TSPAN9: variants seen among roughly 807,000 people sequenced by gnomAD.
The protein encoded by TSPAN9 is tetraspanin 9.
In TSPAN9, 16 loss-of-function variants were observed where a neutral mutation model predicts 31.0. That is an observed-to-expected ratio of 0.52 (90% CI 0.35 to 0.78). The LOEUF is 0.78. Among genes scored for constraint, TSPAN9 ranks in the 30% least tolerant of loss-of-function variants. The pLI, the probability that TSPAN9 is intolerant of heterozygous loss-of-function variation, is 0.01. For synonymous variants in TSPAN9, 145 were observed against 121.6 expected (o/e 1.19, Z -1.27); for missense variants, 272 against 312.5 (o/e 0.87, Z 0.98).
chr12:3,104,080 C>T (rs1375284052), intron 2 of TSPAN9, among the ~76,000 whole-genome samples: 3 of 152,026 alleles, frequency 2.0e-5, no homozygotes, highest in Non-Finnish European at 2.9e-5. Flanking sequence ...GGGGTGGTGC[C>T]TCCTGGGGCA....
intron 3 of TSPAN9, among the ~76,000 whole-genome samples, chr12:3,223,069 C>G (rs2098385390): frequency 6.6e-6 from 1 of 152,210 alleles, no homozygotes; most frequent in Admixed American, 6.5e-5. Flanking sequence ...TATTAACTCC[C>G]CATTAGCATG....
chr12:3,277,306 T>G (rs1565643604), intron 3 of TSPAN9, among the ~76,000 whole-genome samples: 1 of 152,170 alleles, frequency 6.6e-6, no homozygotes, highest in Non-Finnish European at 1.5e-5. Flanking sequence ...CTGCCCCTAG[T>G]CCACCCACCC....
intron 2 of TSPAN9, among the ~76,000 whole-genome samples, chr12:3,129,350 G>A (rs1210363504): frequency 6.6e-6 from 1 of 152,186 alleles, no homozygotes; most frequent in African/African-American, 2.4e-5. Context: ...GTTTTCCGAG[G>A]TAGTTTTTCT....
At position 3,160,205 on chromosome 12, in the gene TSPAN9, T is replaced by C. The variant is rs578238594; in HGVS notation, c.-17-40972T>C. Among the ~76,000 whole-genome samples the C allele has an allele frequency of 4.6e-4, 70 of 152,248 alleles. 1 individual carries two copies. Among genetic ancestry groups the C allele is most frequent in the Non-Finnish European group, 9.0e-4 (61 of 68,042 alleles). ...TCATGTAATACGGGTTTTGATTTTTTTGTGATTGGCTTCTTAGCATACTTA... is the reference window on the plus strand; with the variant it reads ...TCATGTAATACGGGTTTTGATTTTTCTGTGATTGGCTTCTTAGCATACTTA... On this transcript the variant is annotated intron_variant, in intron 2 of 8. Coordinates refer to ENST00000011898, the MANE Select transcript of TSPAN9 (RefSeq NM_006675.5).
At chr12:3,198,066 A>G (rs2098368204) in intron 2 of TSPAN9, among the ~76,000 whole-genome samples, 1 of 77,292 alleles carries the variant, frequency 1.3e-5, no homozygotes, top group Admixed American at 1.5e-4. Context: ...AGCACAGGCC[A>G]CCACCAGCAC....
Position 3,283,331 on chromosome 12 carries a change from G to T in TSPAN9, c.*215G>T. On this transcript the variant is annotated 3_prime_UTR_variant, in exon 9 of 9. Coordinates refer to ENST00000011898, the MANE Select transcript of TSPAN9 (RefSeq NM_006675.5). ...CGGAGACCTGGGGCTCGGGGCCCCT[G>T]GATTCCTGCATCTGCATATGCGTAT... is the stretch of plus-strand genomic sequence containing the variant. The T allele has an allele frequency of 1.8e-6, 1 of 542,606 alleles. No homozygotes were observed. The highest frequency in any genetic ancestry group is 3.2e-6 in the Non-Finnish European group (1 of 310,000). 33.6% of individuals were successfully genotyped at this position (542,606 alleles called of 1,614,324 possible).
intron 2 of TSPAN9, among the ~76,000 whole-genome samples, chr12:3,105,846 TCACACACGTTCACA>T (rs371937957): frequency 0.038 from 5,644 of 149,202 alleles, 360 homozygotes; most frequent in African/African-American, 0.13. Flanking sequence ...ATACACACGC[TCACACACGTTCACA>T]CACACACGCT....
intron 3 of TSPAN9, among the ~76,000 whole-genome samples, chr12:3,208,466 C>G (rs1248575280): frequency 6.6e-6 from 1 of 152,212 alleles, no homozygotes; most frequent in African/African-American, 2.4e-5. Flanking sequence ...TTCTGCCTCC[C>G]TTTGTCCTAG....
intron 3 of TSPAN9, among the ~76,000 whole-genome samples, chr12:3,242,267 GC>G (rs2098396951): frequency 6.6e-6 from 1 of 152,220 alleles, no homozygotes; most frequent in African/African-American, 2.4e-5. Flanking sequence ...GGGCAAGGAG[GC>G]CCTTGCCAGC....
intron 2 of TSPAN9, among the ~76,000 whole-genome samples, chr12:3,131,415 G>A (rs2098329795): frequency 6.6e-6 from 1 of 152,202 alleles, no homozygotes; most frequent in South Asian, 2.1e-4. Context: ...TAGGATCTCA[G>A]CCCCTGCACT....
chr12:3,275,544 A>G (rs1023901711), intron 3 of TSPAN9, among the ~76,000 whole-genome samples: 1 of 152,286 alleles, frequency 6.6e-6, no homozygotes, highest in Non-Finnish European at 1.5e-5. Context: ...ACCAGATTGA[A>G]GAAAAGTCAG....
intron 3 of TSPAN9, among the ~76,000 whole-genome samples, chr12:3,229,070 A>T (rs2098389312): frequency 6.6e-6 from 1 of 152,172 alleles, no homozygotes; most frequent in Admixed American, 6.5e-5. Context: ...TCATATAATC[A>T]CATCTGCAAA....
chr12:3,180,529 A>G (rs1044565459), intron 2 of TSPAN9, among the ~76,000 whole-genome samples: 1 of 152,072 alleles, frequency 6.6e-6, no homozygotes, highest in African/African-American at 2.4e-5. Flanking sequence ...TTATAACCCA[A>G]TAATGGGTCA....
intron 2 of TSPAN9, among the ~76,000 whole-genome samples, chr12:3,158,224 C>T (rs1036901219): frequency 2.0e-5 from 3 of 152,166 alleles, no homozygotes; most frequent in African/African-American, 7.2e-5. Context: ...AGCACTCTCC[C>T]CTGCCCCATG....
At chr12:3,226,771 TATATA>T (rs2098387843) in intron 3 of TSPAN9, among the ~76,000 whole-genome samples, 1 of 5,166 alleles carries the variant, frequency 1.9e-4, no homozygotes, top group Non-Finnish European at 4.5e-4. Flanking sequence ...TATATATATA[TATATA>T]TATATATATA....
intron 3 of TSPAN9, among the ~76,000 whole-genome samples, chr12:3,249,899 TGTC>T (rs1862215358): frequency 6.6e-6 from 1 of 152,230 alleles, no homozygotes; most frequent in Non-Finnish European, 1.5e-5. Flanking sequence ...GATTGCCCCT[TGTC>T]GTCTCACCAT....
intron 2 of TSPAN9, among the ~76,000 whole-genome samples, chr12:3,094,847 CT>C (rs61154605): frequency 0.065 from 6,659 of 101,824 alleles, 215 homozygotes; most frequent in African/African-American, 0.19. Context: ...AATCAATAAT[CT>C]TTTTTTTTTT....
intron 2 of TSPAN9, among the ~76,000 whole-genome samples, chr12:3,133,311 C>A (rs1490368343): frequency 6.6e-6 from 1 of 152,188 alleles, no homozygotes; most frequent in Non-Finnish European, 1.5e-5. Flanking sequence ...CCTACAAGTA[C>A]ACAGTTTGGT....
At chr12:3,223,837 G>A (rs932330517) in intron 3 of TSPAN9, among the ~76,000 whole-genome samples, 2 of 152,310 alleles carry the variant, frequency 1.3e-5, no homozygotes, top group African/African-American at 2.4e-5. Context: ...GCCAGGCGTC[G>A]GGATGGCATC....
Sources: gnomAD v4.1 joint callset for allele counts (sites outside exome capture counted in the v4.1 genomes callset) on GRCh38, gnomAD v4.1.1 for gene constraint, MANE v1.5 for transcripts, NCBI Gene and HGNC (gene_info 2026-07-23, HGNC 2026-07-21) for gene names.